LINGO2: variants seen among roughly 807,000 people sequenced by gnomAD.
LINGO2 encodes the protein leucine-rich repeat and immunoglobulin-like domain-containing nogo receptor-interacting protein 2.
Under a neutral mutation model 30.6 loss-of-function variants are expected in LINGO2, and 14 were observed. That is an observed-to-expected ratio of 0.46 (90% CI 0.30 to 0.72). LINGO2 has a LOEUF of 0.72. Ranked by LOEUF, LINGO2 falls within the 30% of genes least tolerant of loss-of-function variation. LINGO2 has a pLI of 0.07. For missense variants in LINGO2, 729 were observed against 751.7 expected (o/e 0.97, Z 0.35); for synonymous variants, 317 against 288.5 (o/e 1.10, Z -1.00).
chr9:28,664,996 CATATATATATATATAT>C (rs10527878), intron 1 of LINGO2, among the ~76,000 whole-genome samples: 5,579 of 96,280 alleles, frequency 0.058, 326 homozygotes, highest in African/African-American at 0.12. Flanking sequence ...TATGTGTTTA[CATATATATATATATAT>C]ATATATATAT....
the LINGO2 span, among the ~76,000 whole-genome samples, chr9:29,115,747 A>T: frequency 6.6e-6 from 1 of 152,106 alleles, no homozygotes; most frequent in Non-Finnish European, 1.5e-5. Flanking sequence ...AATGTAATGC[A>T]TGGATACAAA....
intron 3 of LINGO2, among the ~76,000 whole-genome samples, chr9:28,302,695 C>G (rs965066821): frequency 6.6e-6 from 1 of 152,096 alleles, no homozygotes; most frequent in African/African-American, 2.4e-5. Context: ...TAACCCCTTT[C>G]AGCAGGGTGA....
At chr9:28,949,763 G>C in the LINGO2 span, among the ~76,000 whole-genome samples, 1 of 152,106 alleles carries the variant, frequency 6.6e-6, no homozygotes, top group African/African-American at 2.4e-5. Flanking sequence ...CATTTTATGA[G>C]GCTAGCATCA....
At chr9:27,988,978 C>A (rs1416773099) in intron 5 of LINGO2, among the ~76,000 whole-genome samples, 1 of 151,954 alleles carries the variant, frequency 6.6e-6, no homozygotes, top group Non-Finnish European at 1.5e-5. Context: ...TTATCTCTTG[C>A]TTGAATGACT....
intron 4 of LINGO2, among the ~76,000 whole-genome samples, chr9:28,222,846 A>G (rs1821013776): frequency 6.6e-6 from 1 of 152,182 alleles, no homozygotes; most frequent in South Asian, 2.1e-4. Context: ...AGAGGGGGCG[A>G]TTACATACAG....
At chr9:28,392,666 G>C (rs1372950287) in intron 2 of LINGO2, among the ~76,000 whole-genome samples, 1 of 152,102 alleles carries the variant, frequency 6.6e-6, no homozygotes, top group Non-Finnish European at 1.5e-5. Context: ...GGGGCTAAAA[G>C]TTCCAGCCCT....
At chr9:28,736,384 TCA>T in the LINGO2 span, among the ~76,000 whole-genome samples, 1 of 152,154 alleles carries the variant, frequency 6.6e-6, no homozygotes, top group Non-Finnish European at 1.5e-5. Flanking sequence ...GGTGTGGAAA[TCA>T]CAGTCTTTTT....
intron 2 of LINGO2, among the ~76,000 whole-genome samples, chr9:28,431,071 A>AGAGAGAGAGAGAGAGAGAGAG (rs58316928): frequency 6.7e-6 from 1 of 148,710 alleles, no homozygotes; most frequent in Non-Finnish European, 1.5e-5. Flanking sequence ...AGAGAGAGAG[A>AGAGAGAGAGAGAGAGAGAGAG]AACTCAAGGC....
At chr9:28,961,637 T>G in the LINGO2 span, among the ~76,000 whole-genome samples, 27 of 152,274 alleles carry the variant, frequency 1.8e-4, no homozygotes, top group African/African-American at 6.5e-4. Context: ...AGTCTGAAAG[T>G]TGGAGCTATA....
At chr9:28,306,296 A>G (rs549988458) in intron 3 of LINGO2, among the ~76,000 whole-genome samples, 1 of 152,278 alleles carries the variant, frequency 6.6e-6, no homozygotes, top group Admixed American at 6.5e-5. Context: ...AAAGGAAAGG[A>G]AAGAAGGATG....
intron 2 of LINGO2, among the ~76,000 whole-genome samples, chr9:28,459,583 T>C (rs1338297362): frequency 6.6e-6 from 1 of 152,062 alleles, no homozygotes; most frequent in Non-Finnish European, 1.5e-5. Flanking sequence ...GTATGAATAT[T>C]AATATGGATC....
At chr9:28,976,377 T>TA in the LINGO2 span, among the ~76,000 whole-genome samples, 1 of 152,160 alleles carries the variant, frequency 6.6e-6, no homozygotes, top group Non-Finnish European at 1.5e-5. Context: ...ATTTAGTCCA[T>TA]TCATTGTCAT....
chr9:28,682,826 C>A, the LINGO2 span, among the ~76,000 whole-genome samples: 1 of 152,000 alleles, frequency 6.6e-6, no homozygotes, highest in Non-Finnish European at 1.5e-5. Flanking sequence ...GGAAGAATTT[C>A]ATATTAAAAC....
chr9:28,698,664 T>C, the LINGO2 span, among the ~76,000 whole-genome samples: 1 of 151,980 alleles, frequency 6.6e-6, no homozygotes, highest in Non-Finnish European at 1.5e-5. Flanking sequence ...TCAGGTTAGT[T>C]TCACAATAAC....
At chr9:28,592,333 A>G (rs188201106) in intron 1 of LINGO2, among the ~76,000 whole-genome samples, 11 of 152,212 alleles carry the variant, frequency 7.2e-5, no homozygotes, top group Non-Finnish European at 1.6e-4. Context: ...AGGCAATCTA[A>G]CTAACTTAAA....
At chr9:28,807,273 T>C in the LINGO2 span, among the ~76,000 whole-genome samples, 2 of 152,196 alleles carry the variant, frequency 1.3e-5, no homozygotes, top group South Asian at 4.1e-4. Flanking sequence ...TCTGCCAGCC[T>C]CGGCCTCCCA....
At chr9:27,955,550 A>G (rs1409936603) in intron 5 of LINGO2, among the ~76,000 whole-genome samples, 1 of 152,178 alleles carries the variant, frequency 6.6e-6, no homozygotes, top group Admixed American at 6.6e-5. Context: ...TTTTATATCA[A>G]TGAAATCATA....
chr9:28,186,023 T>C (rs918913421), intron 4 of LINGO2, among the ~76,000 whole-genome samples: 1 of 152,172 alleles, frequency 6.6e-6, no homozygotes, highest in Non-Finnish European at 1.5e-5. Context: ...CGCTCAATCA[T>C]TTGGGACATG....
intron 1 of LINGO2, among the ~76,000 whole-genome samples, chr9:28,604,980 T>A (rs536226415): frequency 6.6e-6 from 1 of 152,102 alleles, no homozygotes; most frequent in East Asian, 1.9e-4. Context: ...TACATGGATA[T>A]GCTAAATAAG....
Sources: allele counts gnomAD v4.1 joint callset (sites outside exome capture counted in the v4.1 genomes callset), GRCh38; gene constraint gnomAD v4.1.1; transcripts MANE v1.5; gene names NCBI Gene and HGNC (gene_info 2026-07-23, HGNC 2026-07-21).